RAP1A: variants seen among roughly 807,000 people sequenced by gnomAD.
RAP1A encodes RAP1A, member of RAS oncogene family.
In RAP1A, 6 loss-of-function variants were observed where a neutral mutation model predicts 26.4. The ratio of observed to expected loss-of-function variants is 0.23; its 90% CI spans 0.12 to 0.45. The LOEUF is 0.45. Ranked by LOEUF, RAP1A falls within the 20% of genes least tolerant of loss-of-function variation. The pLI is 0.99. For missense variants in RAP1A, 121 were observed against 217.2 expected (o/e 0.56, Z 2.78); for synonymous variants, 73 against 79.4 (o/e 0.92, Z 0.43).
intron 1 of RAP1A, chr1:111,604,800 C>T (rs1658739197): frequency 2.0e-5 from 3 of 152,176 alleles, no homozygotes; most frequent in Admixed American, 2.0e-4. Context: ...CAAGAGTAAT[C>T]AGCAATGTGC....
intron 1 of RAP1A, among the ~76,000 whole-genome samples, chr1:111,601,096 C>A (rs1658661149): frequency 6.6e-6 from 1 of 152,146 alleles, no homozygotes; most frequent in African/African-American, 2.4e-5. Flanking sequence ...AGGGCCTGGT[C>A]TCTCCTCAGT....
At chr1:111,635,675 C>T (rs561408189) in intron 1 of RAP1A, among the ~76,000 whole-genome samples, 9 of 152,276 alleles carry the variant, frequency 5.9e-5, no homozygotes, top group African/African-American at 2.2e-4. Context: ...AAGCAATTCT[C>T]ATGCCTCAGC....
intron 1 of RAP1A, among the ~76,000 whole-genome samples, chr1:111,570,135 C>A (rs1273536113): frequency 6.6e-6 from 1 of 152,146 alleles, no homozygotes; most frequent in Non-Finnish European, 1.5e-5. Flanking sequence ...AAACAGCCAG[C>A]ACCCTGCTCT....
chr1:111,711,810 C>G (rs1662393208), intron 7 of RAP1A, among the ~76,000 whole-genome samples: 1 of 152,162 alleles, frequency 6.6e-6, no homozygotes, highest in Admixed American at 6.5e-5. Context: ...ATGTTAATCT[C>G]CTTTTTATAT....
intron 1 of RAP1A, among the ~76,000 whole-genome samples, chr1:111,684,650 A>C (rs1661411911): frequency 6.6e-6 from 1 of 152,230 alleles, no homozygotes; most frequent in Non-Finnish European, 1.5e-5. Flanking sequence ...AACAAATGGA[A>C]AAACATTCCA....
At chr1:111,665,730 A>G (rs2101168369) in intron 1 of RAP1A, among the ~76,000 whole-genome samples, 1 of 152,318 alleles carries the variant, frequency 6.6e-6, no homozygotes. Flanking sequence ...TGGATCCAAG[A>G]GCACATGTAG....
chr1:111,568,711 AT>A (rs1657978186), intron 1 of RAP1A, among the ~76,000 whole-genome samples: 1 of 152,020 alleles, frequency 6.6e-6, no homozygotes. Context: ...TCACATGCAG[AT>A]TTTTTCAATA....
chr1:111,685,167 A>G (rs1195550395), intron 1 of RAP1A, among the ~76,000 whole-genome samples: 1 of 152,222 alleles, frequency 6.6e-6, no homozygotes, highest in Non-Finnish European at 1.5e-5. Flanking sequence ...AAACCATAAA[A>G]ACCCGAGAAG....
chr1:111,637,511 T>G (rs1659761765), intron 1 of RAP1A, among the ~76,000 whole-genome samples: 1 of 152,172 alleles, frequency 6.6e-6, no homozygotes, highest in Non-Finnish European at 1.5e-5. Context: ...TTCACCCCAT[T>G]GGTGGTGATA....
intron 1 of RAP1A, among the ~76,000 whole-genome samples, chr1:111,550,711 C>A (rs899110877): frequency 6.6e-6 from 1 of 152,306 alleles, no homozygotes; most frequent in South Asian, 2.1e-4. Flanking sequence ...GCCCAGCAGG[C>A]CTTGAACTCC....
At chr1:111,645,064 A>C (rs141689903) in intron 1 of RAP1A, among the ~76,000 whole-genome samples, 450 of 152,210 alleles carry the variant, frequency 3.0e-3, no homozygotes, top group African/African-American at 0.01. Context: ...TTTCTCTTGG[A>C]GGAATTTGGT....
rs974342863 is a variant in RAP1A at position 111,619,944 on chromosome 1, G to A, written c.-28+10G>A. ...GCGCCGGACCGGGGGGGTGAGTAAG[G>A]GGCGGGGAGCTCCAGACGGCCCCAG... On this transcript the variant is annotated intron_variant, in intron 1 of 7. Transcript: ENST00000369709. 24 of 397,454 alleles carry A rather than the reference G, an allele frequency of 6.0e-5. No homozygotes were observed. Among genetic ancestry groups the A allele is most frequent in the Middle Eastern group, 1.3e-3 (2 of 1,588 alleles). The allele number at this position is 397,454 out of a possible 1,614,324, so 24.6% of individuals were successfully genotyped here. A position where few individuals can be genotyped will look rare whatever the true frequency, so the allele number is the denominator to read the frequency against.
At chr1:111,603,272 C>G (rs1658705948) in intron 1 of RAP1A, among the ~76,000 whole-genome samples, 1 of 152,248 alleles carries the variant, frequency 6.6e-6, no homozygotes, top group Non-Finnish European at 1.5e-5. Flanking sequence ...CGCCACCGAT[C>G]TGGTCCTGAA....
intron 1 of RAP1A, among the ~76,000 whole-genome samples, chr1:111,666,775 C>G (rs866917257): frequency 6.6e-6 from 1 of 152,062 alleles, no homozygotes; most frequent in Non-Finnish European, 1.5e-5. Context: ...TACTTGTGCT[C>G]AGATCCAAGG....
At chr1:111,599,110 T>A (rs1032526860) in intron 1 of RAP1A, among the ~76,000 whole-genome samples, 2 of 152,236 alleles carry the variant, frequency 1.3e-5, no homozygotes, top group Non-Finnish European at 2.9e-5. Flanking sequence ...GATATTCAGC[T>A]ATCCAGAGGC....
intron 1 of RAP1A, among the ~76,000 whole-genome samples, chr1:111,634,891 C>T (rs530951131): frequency 6.6e-6 from 1 of 152,256 alleles, no homozygotes. Flanking sequence ...GATCTACCCG[C>T]CTCGGCCTCC....
chr1:111,590,774 T>C (rs892125223), intron 1 of RAP1A, among the ~76,000 whole-genome samples: 3 of 152,164 alleles, frequency 2.0e-5, no homozygotes, highest in African/African-American at 7.2e-5. Context: ...ATCACAAATA[T>C]TAGCTTTAAT....
intron 1 of RAP1A, among the ~76,000 whole-genome samples, chr1:111,643,673 T>G (rs1254990301): frequency 1.3e-5 from 2 of 152,212 alleles, no homozygotes; most frequent in Non-Finnish European, 2.9e-5. Context: ...TACATGAAAC[T>G]GAGTCCTTTA....
At chr1:111,648,959 G>T (rs566603059) in intron 1 of RAP1A, 2 of 666,704 alleles carry the variant, frequency 3.0e-6, no homozygotes, top group African/African-American at 1.8e-5. Flanking sequence ...ACAGCTCTTC[G>T]TTGAGAGCCT....
Sources: gnomAD v4.1 joint callset for allele counts (sites outside exome capture counted in the v4.1 genomes callset) on GRCh38, gnomAD v4.1.1 for gene constraint, MANE v1.5 for transcripts, NCBI Gene and HGNC (gene_info 2026-07-23, HGNC 2026-07-21) for gene names.